The following NREP variants were observed in gnomAD, a reference collection of about 807,000 sequenced individuals.
NREP encodes neuronal regeneration related protein.
NREP carries 5 observed loss-of-function variants against 8.6 expected under a neutral mutation model. That is an observed-to-expected ratio of 0.58 (90% CI 0.30 to 1.22). The LOEUF (loss-of-function observed/expected upper bound fraction) is 1.22. Among genes scored for constraint, NREP ranks in the 50% most tolerant of loss-of-function variants. NREP has a pLI of 0.07. For missense variants in NREP, 86 were observed against 82.5 expected (o/e 1.04, Z -0.17); for synonymous variants, 27 against 28.0 (o/e 0.96, Z 0.11).
At chr5:111,924,268 G>A (rs546536157) in intron 2 of NREP, among the ~76,000 whole-genome samples, 2 of 152,130 alleles carry the variant, frequency 1.3e-5, no homozygotes, top group African/African-American at 2.4e-5. Flanking sequence ...GAGAAGAATA[G>A]CATCTACATA....
intron 2 of NREP, among the ~76,000 whole-genome samples, chr5:111,957,536 A>G (rs1468923079): frequency 6.6e-6 from 1 of 151,890 alleles, no homozygotes; most frequent in Admixed American, 6.6e-5. Context: ...TCTTCCAAAT[A>G]ATAAAAAAGA....
chr5:111,932,315 T>C (rs1393707635), intron 2 of NREP, among the ~76,000 whole-genome samples: 1 of 151,998 alleles, frequency 6.6e-6, no homozygotes, highest in Non-Finnish European at 1.5e-5. Flanking sequence ...AAAGAGCTCA[T>C]CACAATATAC....
chr5:111,781,655 C>T (rs1421048024), intron 2 of NREP, among the ~76,000 whole-genome samples: 2 of 152,166 alleles, frequency 1.3e-5, no homozygotes, highest in Admixed American at 1.3e-4. Flanking sequence ...ATCCTCACTT[C>T]CAGGATCTTT....
chr5:111,917,999 C>A (rs1755113436), intron 2 of NREP, among the ~76,000 whole-genome samples: 1 of 152,168 alleles, frequency 6.6e-6, no homozygotes, highest in South Asian at 2.1e-4. Flanking sequence ...TCATAAACAA[C>A]TTAGGCAAAG....
At chr5:111,765,555 G>T (rs139629053) in intron 2 of NREP, among the ~76,000 whole-genome samples, 42 of 152,334 alleles carry the variant, frequency 2.8e-4, no homozygotes, top group African/African-American at 9.4e-4. Flanking sequence ...GAGAAACTGA[G>T]GTGGAGAAAG....
At chr5:111,902,616 G>A (rs1186632409) in intron 2 of NREP, among the ~76,000 whole-genome samples, 1 of 152,118 alleles carries the variant, frequency 6.6e-6, no homozygotes, top group East Asian at 1.9e-4. Flanking sequence ...AATGCTGGAG[G>A]CATTTTCCTT....
rs182596406 is a variant in NREP at position 111,810,995 on chromosome 5, A to T, written c.136-75488T>A. Among the ~76,000 whole-genome samples, 463 of 151,918 alleles carry T rather than the reference A, an allele frequency of 3.0e-3. 6 individuals are homozygous for T. The highest frequency in any genetic ancestry group is 4.7e-3 in the Non-Finnish European group (319 of 67,974). On this transcript the variant is annotated intron_variant, in intron 2 of 3. Coordinates refer to the NREP transcript ENST00000395634. ...TTGATTCCTGGTGCTCACTGGGAAT[A>T]AAAAAAACAAGGAGCTTTACATGAA...
At chr5:111,856,764 G>T (rs1753436785) in intron 2 of NREP, among the ~76,000 whole-genome samples, 2 of 151,550 alleles carry the variant, frequency 1.3e-5, no homozygotes, top group South Asian at 2.1e-4. Context: ...AAAACCGACT[G>T]GTTTGATGAC....
chr5:111,898,393 A>C lies in NREP; in HGVS notation c.135+76881T>G, dbSNP rs577676282. On this transcript the variant is annotated intron_variant, in intron 2 of 3. Coordinates refer to the NREP transcript ENST00000395634. ...TGGCTGAGGGGTGGAAGAGAAAGAG[A>C]AGGACTGAATCTCAAAGTTTCTGGC... 2.6e-5 allele frequency among the ~76,000 whole-genome samples: 4 copies of C among 152,326 alleles called. No homozygotes were observed. In the South Asian group the frequency reaches 8.3e-4, roughly 32 times the overall value.
At chr5:111,937,855 T>G (rs1282338369) in intron 2 of NREP, among the ~76,000 whole-genome samples, 2 of 152,046 alleles carry the variant, frequency 1.3e-5, no homozygotes, top group Non-Finnish European at 2.9e-5. Context: ...CAACAGTCCA[T>G]GACTCCAATT....
chr5:111,888,662 A>G (rs1754320692), intron 2 of NREP, among the ~76,000 whole-genome samples: 1 of 152,208 alleles, frequency 6.6e-6, no homozygotes, highest in Non-Finnish European at 1.5e-5. Flanking sequence ...GTTGCAATGA[A>G]AAGTGTACAA....
At chr5:111,894,344 A>G (rs143953694) in intron 2 of NREP, among the ~76,000 whole-genome samples, 60 of 152,192 alleles carry the variant, frequency 3.9e-4, no homozygotes, top group Admixed American at 1.3e-3. Flanking sequence ...GTACAATTTT[A>G]TTGTTTTAAG....
chr5:111,825,933 A>G (rs1430718299), intron 2 of NREP, among the ~76,000 whole-genome samples: 1 of 151,914 alleles, frequency 6.6e-6, no homozygotes, highest in Non-Finnish European at 1.5e-5. Flanking sequence ...GGAGTGTGGA[A>G]ATATAATCTT....
At chr5:111,857,740 G>T (rs1581168993) in intron 2 of NREP, among the ~76,000 whole-genome samples, 1 of 152,250 alleles carries the variant, frequency 6.6e-6, no homozygotes, top group East Asian at 1.9e-4. Context: ...CTAGCTTCTA[G>T]AAAAGTGATT....
chr5:111,879,418 T>A (rs1411667717), intron 2 of NREP, among the ~76,000 whole-genome samples: 1 of 152,182 alleles, frequency 6.6e-6, no homozygotes, highest in African/African-American at 2.4e-5. Flanking sequence ...TAACAAAATA[T>A]ATAAGCAAAA....
chr5:111,783,667 G>A (rs969563427), intron 2 of NREP, among the ~76,000 whole-genome samples: 2 of 152,170 alleles, frequency 1.3e-5, no homozygotes, highest in African/African-American at 4.8e-5. Flanking sequence ...TTGAATGAGT[G>A]ATGAATTTTG....
At chr5:111,853,913 C>T (rs1173369448) in intron 2 of NREP, among the ~76,000 whole-genome samples, 1 of 152,116 alleles carries the variant, frequency 6.6e-6, no homozygotes, top group African/African-American at 2.4e-5. Flanking sequence ...CATGATTCAG[C>T]CACAGATGCT....
intron 2 of NREP, among the ~76,000 whole-genome samples, chr5:111,902,008 A>G (rs1183828693): frequency 1.3e-5 from 2 of 152,192 alleles, no homozygotes; most frequent in Non-Finnish European, 2.9e-5. Flanking sequence ...ACTGAGCAGA[A>G]AGAACAAATG....
At chr5:111,905,942 T>C (rs1328424752) in intron 2 of NREP, among the ~76,000 whole-genome samples, 7 of 152,090 alleles carry the variant, frequency 4.6e-5, no homozygotes, top group African/African-American at 1.4e-4. Context: ...ATATTTATAT[T>C]GGTTTTTGAA....
Sources: allele counts gnomAD v4.1 joint callset (sites outside exome capture counted in the v4.1 genomes callset), GRCh38; gene constraint gnomAD v4.1.1; transcripts MANE v1.5; gene names NCBI Gene and HGNC (gene_info 2026-07-23, HGNC 2026-07-21).